The following CYFIP2 variants were observed in gnomAD, a reference collection of about 807,000 sequenced individuals.
The protein encoded by CYFIP2 is cytoplasmic FMR1 interacting protein 2.
In CYFIP2, 29 loss-of-function variants were observed where a neutral mutation model predicts 158.7. That is an observed-to-expected ratio of 0.18 (90% CI 0.14 to 0.25). The LOEUF is 0.25. Ranked by LOEUF, CYFIP2 falls within the 10% of genes least tolerant of loss-of-function variation. The pLI, the probability that CYFIP2 is intolerant of heterozygous loss-of-function variation, is 1.00. For missense variants in CYFIP2, 852 were observed against 1,639.5 expected, an observed-to-expected ratio of 0.52 and a Z score of 8.29; for synonymous variants, 585 against 617.6, an observed-to-expected ratio of 0.95 and a Z score of 0.78.
chr5:157,340,615 T>C (rs1253462231), intron 22 of CYFIP2, among the ~76,000 whole-genome samples: 1 of 152,272 alleles, frequency 6.6e-6, no homozygotes, highest in African/African-American at 2.4e-5. Flanking sequence ...CATTTGTTTA[T>C]TATTGTCTGT....
chr5:157,363,134 TCTC>T (rs1763993778), intron 26 of CYFIP2: 1 of 152,336 alleles, frequency 6.6e-6, no homozygotes, highest in Non-Finnish European at 1.5e-5. Context: ...GAGACTGTGC[TCTC>T]CTCCTTCCTC....
intron 28 of CYFIP2, among the ~76,000 whole-genome samples, chr5:157,385,212 C>CTTCCCTGTT (rs1435365294): frequency 1.8e-4 from 27 of 152,348 alleles, no homozygotes; most frequent in African/African-American, 6.3e-4. Flanking sequence ...CTGTGAATTC[C>CTTCCCTGTT]TTCCCTGTTC....
At chr5:157,385,974 C>G (rs780683729) in intron 28 of CYFIP2, among the ~76,000 whole-genome samples, 6 of 152,080 alleles carry the variant, frequency 3.9e-5, no homozygotes, top group Non-Finnish European at 7.4e-5. Flanking sequence ...TAACACCAAA[C>G]TGCAAATTGA....
chr5:157,368,714 TGACAGTTAAGAGTCACTGGTTCCACA>T (rs56393914), intron 26 of CYFIP2, among the ~76,000 whole-genome samples: 43,378 of 151,680 alleles, frequency 0.29, 6,396 homozygotes, highest in Non-Finnish European at 0.33. Context: ...AAAAATGGTC[TGACAGTTAAGAGTCACTGGTTCCACA>T]GACAAGACCA....
At chr5:157,333,276 A>C in intron 20 of CYFIP2, 51 bp from the exon 21 acceptor site, 1 of 1,610,634 alleles carries the variant, frequency 6.2e-7, no homozygotes, top group Non-Finnish European at 8.5e-7. Flanking sequence ...GAGCCACTGC[A>C]CCTGGCCAGT....
chr5:157,383,014 TA>T (rs1373886006), intron 27 of CYFIP2, among the ~76,000 whole-genome samples: 1 of 152,148 alleles, frequency 6.6e-6, no homozygotes, highest in African/African-American at 2.4e-5. Flanking sequence ...AATTTAAATA[TA>T]TATATTAATA....
chr5:157,384,068 A>G, intron 28 of CYFIP2: 1 of 341,952 alleles, frequency 2.9e-6, no homozygotes, highest in Non-Finnish European at 5.8e-6. Flanking sequence ...GAGAGATGAG[A>G]TAGAATAGAG....
At chr5:157,380,257 A>T (rs1444696264) in intron 26 of CYFIP2, 2 of 152,254 alleles carry the variant, frequency 1.3e-5, no homozygotes, top group Non-Finnish European at 2.9e-5. Flanking sequence ...TGACCCCTAA[A>T]CTGTAATTTC....
chr5:157,341,486 A>G, intron 23 of CYFIP2: 1 of 317,388 alleles, frequency 3.2e-6, no homozygotes, highest in Non-Finnish European at 6.0e-6. Context: ...CAGGAGTGTT[A>G]TGCTGCAGTG....
At chr5:157,339,867 G>C (rs534473816) in intron 22 of CYFIP2, among the ~76,000 whole-genome samples, 15 of 152,344 alleles carry the variant, frequency 9.8e-5, no homozygotes, top group Admixed American at 6.5e-4. Context: ...GGTAAAACTA[G>C]TCGGGTGGGA....
chr5:157,312,756 C>T (rs1759840628), intron 11 of CYFIP2, among the ~76,000 whole-genome samples: 1 of 152,210 alleles, frequency 6.6e-6, no homozygotes, highest in African/African-American at 2.4e-5. Flanking sequence ...AGACTTGTGG[C>T]CCACAGGGAC....
At chr5:157,391,505 C>T (rs891500193) in intron 30 of CYFIP2, among the ~76,000 whole-genome samples, 2 of 152,200 alleles carry the variant, frequency 1.3e-5, no homozygotes, top group African/African-American at 4.8e-5. Flanking sequence ...CATTTGACTA[C>T]TCTAGGTACC....
At chr5:157,303,589 G>T (rs1432156820) in intron 7 of CYFIP2, among the ~76,000 whole-genome samples, 1 of 152,158 alleles carries the variant, frequency 6.6e-6, no homozygotes, top group African/African-American at 2.4e-5. Context: ...AGGCCCTTGG[G>T]TTGACAGGGC....
At chr5:157,337,035 C>A (rs567692997) in intron 21 of CYFIP2, among the ~76,000 whole-genome samples, 2 of 152,288 alleles carry the variant, frequency 1.3e-5, no homozygotes, top group Admixed American at 6.5e-5. Flanking sequence ...AGAAATTGTT[C>A]CCCAGCTTCT....
At chr5:157,330,396 A>T (rs1459910991) in intron 19 of CYFIP2, among the ~76,000 whole-genome samples, 3 of 152,126 alleles carry the variant, frequency 2.0e-5, no homozygotes, top group African/African-American at 7.2e-5. Flanking sequence ...CCTCACTCGA[A>T]TATAAACTCC....
chr5:157,387,973 C>T (rs966461207), intron 28 of CYFIP2, among the ~76,000 whole-genome samples: 10 of 152,194 alleles, frequency 6.6e-5, no homozygotes, highest in African/African-American at 2.2e-4. Context: ...ACTTAAAAGT[C>T]ACCCTCTCTT....
chr5:157,358,845 C>T (rs1763598816), intron 23 of CYFIP2, among the ~76,000 whole-genome samples, 160 bp from the exon 24 acceptor site: 1 of 152,194 alleles, frequency 6.6e-6, no homozygotes, highest in African/African-American at 2.4e-5. Flanking sequence ...GACCACACCT[C>T]TCTCTATGAC....
chr5:157,279,566 C>T (rs112762950), intron 1 of CYFIP2, among the ~76,000 whole-genome samples: 5 of 146,652 alleles, frequency 3.4e-5, no homozygotes, highest in Admixed American at 3.3e-4. Flanking sequence ...CACCTAAAGC[C>T]CCCCCTTCTC....
chr5:157,325,733 G>A, intron 17 of CYFIP2, 95 bp downstream of exon 17: 1 of 1,354,108 alleles, frequency 7.4e-7, no homozygotes, highest in Non-Finnish European at 9.9e-7. Context: ...GAAGCACTGA[G>A]TTGACAAGAA....
Sources: allele counts gnomAD v4.1 joint callset (sites outside exome capture counted in the v4.1 genomes callset), GRCh38; gene constraint gnomAD v4.1.1; transcripts MANE v1.5; gene names NCBI Gene and HGNC (gene_info 2026-07-23, HGNC 2026-07-21).